Variants in PCDH15 observed in about 807,000 individuals in gnomAD.
The protein encoded by PCDH15 is protocadherin related 15.
In PCDH15, 129 loss-of-function variants were observed where a neutral mutation model predicts 178.5. The ratio of observed to expected loss-of-function variants is 0.72; its 90% CI spans 0.63 to 0.84. The LOEUF (loss-of-function observed/expected upper bound fraction) is 0.84, where lower values mean the gene tolerates loss of function less well. Ranked by LOEUF, PCDH15 falls within the 40% of genes least tolerant of loss-of-function variation. PCDH15 has a pLI of 0.00. For missense variants in PCDH15, 2,230 were observed against 2,099.9 expected (o/e 1.06, Z -1.21); for synonymous variants, 800 against 732.0 (o/e 1.09, Z -1.50).
At chr10:54,612,287 G>A (rs895991083) in intron 2 of PCDH15, among the ~76,000 whole-genome samples, 2 of 151,752 alleles carry the variant, frequency 1.3e-5, no homozygotes, top group African/African-American at 4.8e-5. Flanking sequence ...CTAAAGCTCT[G>A]TACACATATA....
chr10:54,412,504 A>G (rs577170680), intron 3 of PCDH15, among the ~76,000 whole-genome samples: 2 of 152,116 alleles, frequency 1.3e-5, no homozygotes, highest in Non-Finnish European at 1.5e-5. Context: ...TGTTCTCTCA[A>G]TTCCTCAGAG....
At chr10:54,622,493 C>T (rs1189190857) in intron 2 of PCDH15, among the ~76,000 whole-genome samples, 2 of 140,334 alleles carry the variant, frequency 1.4e-5, no homozygotes, top group Non-Finnish European at 3.0e-5. Context: ...ACCTCTTAAC[C>T]TATTCTACAA....
At chr10:54,950,919 G>C (rs1479356321) in intron 2 of PCDH15, among the ~76,000 whole-genome samples, 1 of 151,804 alleles carries the variant, frequency 6.6e-6, no homozygotes, top group Non-Finnish European at 1.5e-5. Flanking sequence ...TTAAATTTTG[G>C]AGAAGTCTTA....
intron 2 of PCDH15, among the ~76,000 whole-genome samples, chr10:55,407,034 G>T (rs1838212899): frequency 1.3e-5 from 2 of 152,168 alleles, no homozygotes; most frequent in Non-Finnish European, 2.9e-5. Context: ...ATTTGTCAAA[G>T]TGCAGATCAT....
intron 8 of PCDH15, among the ~76,000 whole-genome samples, chr10:54,286,805 T>G (rs1301608895): frequency 6.6e-6 from 1 of 152,192 alleles, no homozygotes; most frequent in Admixed American, 6.5e-5. Context: ...TTTGTATTTT[T>G]TTAGTAGAGA....
chr10:55,519,430 A>AGTAAGTGTG (rs1029132380), intron 2 of PCDH15, among the ~76,000 whole-genome samples: 3 of 151,962 alleles, frequency 2.0e-5, no homozygotes, highest in Non-Finnish European at 2.9e-5. Context: ...GTGGAACGGA[A>AGTAAGTGTG]GTAAGTGTGG....
At chr10:54,127,357 C>T (rs1370676951) in intron 15 of PCDH15, among the ~76,000 whole-genome samples, 1 of 152,160 alleles carries the variant, frequency 6.6e-6, no homozygotes, top group Non-Finnish European at 1.5e-5. Flanking sequence ...GTGAATGGAT[C>T]ATTTGATTCA....
chr10:55,520,152 ACG>A (rs1841128444), intron 2 of PCDH15, among the ~76,000 whole-genome samples: 1 of 108,346 alleles, frequency 9.2e-6, no homozygotes, highest in Non-Finnish European at 1.9e-5. Flanking sequence ...ATATATATAC[ACG>A]CAATGTGTAT....
At chr10:54,353,063 C>T (rs1048272769) in intron 5 of PCDH15, among the ~76,000 whole-genome samples, 18 of 152,094 alleles carry the variant, frequency 1.2e-4, no homozygotes, top group African/African-American at 4.3e-4. Flanking sequence ...AAAAATTCAA[C>T]ATTTTCTGAC....
chr10:55,342,045 A>C (rs2131955957), intron 2 of PCDH15, among the ~76,000 whole-genome samples: 1 of 151,030 alleles, frequency 6.6e-6, no homozygotes, highest in African/African-American at 2.4e-5. Context: ...CCAGGTCAAA[A>C]AATTAATATT....
intron 3 of PCDH15, among the ~76,000 whole-genome samples, chr10:54,852,434 G>A (rs570172027): frequency 6.6e-6 from 1 of 152,266 alleles, no homozygotes; most frequent in South Asian, 2.1e-4. Context: ...TGGAGGATGT[G>A]ACATTAGGCC....
At chr10:54,205,684 G>A (rs1194177806) in intron 10 of PCDH15, among the ~76,000 whole-genome samples, 1 of 151,812 alleles carries the variant, frequency 6.6e-6, no homozygotes, top group East Asian at 1.9e-4. Flanking sequence ...ATTGATTCTT[G>A]ACCCTACTTA....
In PCDH15 at chr10:54,755,934, C is replaced by T. The variant is rs539844187; in HGVS notation, c.-29+44991G>A. ...TTCTCTCTCTCTATCGTGTAAACACCATGAGACAAGGCGCGGTAGCTCATA... is the reference window on the plus strand; with the variant it reads ...TTCTCTCTCTCTATCGTGTAAACACTATGAGACAAGGCGCGGTAGCTCATA... On this transcript the variant is annotated intron_variant, in intron 1 of 37. Transcript: ENST00000644397. Among the ~76,000 whole-genome samples the T allele has an allele frequency of 3.9e-5, 6 of 151,982 alleles. No individual in the cohort carries two copies. In the East Asian group the frequency reaches 1.2e-3, roughly 29 times the overall value.
chr10:54,153,160 A>G lies in PCDH15; in HGVS notation c.1724T>C (p.Val575Ala), dbSNP rs1214042871. The part of the protein sequence containing the change: ...ITIAPGVEMI[V>A]GRTYALTVQA... ...GACCGTGAGTGCGTAAGTCCGCCCG[A>G]CTATCATTTCCACCCCTGGAGCGAT... is the stretch of plus-strand genomic sequence containing the variant. The change falls in exon 14 of 38, where the codon GTC becomes GCC. Residue 575 changes from valine (V) to alanine (A), a missense_variant. Val to Ala is a moderately conservative substitution (Grantham distance 64). Coordinates refer to ENST00000644397, the MANE Select transcript of PCDH15 (RefSeq NM_001384140.1). The G allele has an allele frequency of 6.2e-7, 1 of 1,613,922 alleles. No homozygotes were observed. Among genetic ancestry groups the G allele is most frequent in the East Asian group, 2.2e-5 (1 of 44,864 alleles).
intron 2 of PCDH15, among the ~76,000 whole-genome samples, chr10:54,903,661 A>T (rs1004161955): frequency 1.3e-5 from 2 of 152,148 alleles, no homozygotes; most frequent in African/African-American, 2.4e-5. Context: ...ATCTAATAAT[A>T]GTCCAATTCA....
At chr10:55,145,203 C>A (rs1474933213) in intron 2 of PCDH15, among the ~76,000 whole-genome samples, 2 of 151,934 alleles carry the variant, frequency 1.3e-5, no homozygotes, top group African/African-American at 4.8e-5. Flanking sequence ...TCCCCATACA[C>A]CATCTACCAT....
At chr10:55,423,833 CAT>C (rs1462324792) in intron 2 of PCDH15, among the ~76,000 whole-genome samples, 2 of 152,048 alleles carry the variant, frequency 1.3e-5, no homozygotes, top group African/African-American at 4.8e-5. Context: ...TAAATGCTTA[CAT>C]GTCATAAGGA....
At chr10:53,857,326 AC>A (rs2078821198) in intron 27 of PCDH15, 63 bp from the exon 28 acceptor site, 8 of 1,241,116 alleles carry the variant, frequency 6.4e-6, no homozygotes, top group South Asian at 6.0e-5. Flanking sequence ...TAATCAGAAA[AC>A]CCCCACATTA....
chr10:54,714,765 CCTG>C (rs1394512637), intron 1 of PCDH15, among the ~76,000 whole-genome samples: 2 of 152,100 alleles, frequency 1.3e-5, no homozygotes, highest in African/African-American at 4.8e-5. Context: ...TCACAGGACT[CCTG>C]TTTTTATTCC....
Sources: allele counts gnomAD v4.1 joint callset (sites outside exome capture counted in the v4.1 genomes callset), GRCh38; gene constraint gnomAD v4.1.1; transcripts MANE v1.5; gene names NCBI Gene and HGNC (gene_info 2026-07-23, HGNC 2026-07-21).